Variants in EZR observed in about 807,000 individuals in gnomAD.
The protein encoded by EZR is ezrin, also known as cytovillin 2.
In EZR, 40 loss-of-function variants were observed where a neutral mutation model predicts 74.8. The observed-to-expected ratio is 0.53, with a 90% confidence interval of 0.42 to 0.70. The LOEUF (loss-of-function observed/expected upper bound fraction) is 0.70. Ranked by LOEUF, EZR falls within the 30% of genes least tolerant of loss-of-function variation. The pLI, the probability that EZR is intolerant of heterozygous loss-of-function variation, is 0.00. For missense variants in EZR, 678 were observed against 755.8 expected (o/e 0.90, Z 1.21); for synonymous variants, 341 against 283.3 (o/e 1.20, Z -2.05).
intron 2 of EZR, among the ~76,000 whole-genome samples, chr6:158,802,679 G>A: frequency 6.6e-6 from 1 of 152,106 alleles, no homozygotes; most frequent in East Asian, 1.9e-4. Flanking sequence ...TTATAGGCAT[G>A]TGCCACCACG....
At chr6:158,771,594 T>C (rs1378712013) in intron 8 of EZR, among the ~76,000 whole-genome samples, 187 bp from the exon 9 acceptor site, 1 of 152,136 alleles carries the variant, frequency 6.6e-6, no homozygotes, top group Non-Finnish European at 1.5e-5. Context: ...GCCGCGTGTG[T>C]GTGCGGTTAT....
chr6:158,778,227 C>T (rs1791335686), intron 7 of EZR, among the ~76,000 whole-genome samples: 1 of 152,208 alleles, frequency 6.6e-6, no homozygotes, highest in South Asian at 2.1e-4. Flanking sequence ...CGTGCCGCAT[C>T]CTGAAACTTC....
Position 158,812,242 on chromosome 6 carries a change from G to A in EZR, c.12+5840C>T, listed in dbSNP as rs200185035. Among the ~76,000 whole-genome samples, 58 of 152,284 alleles carry A rather than the reference G, an allele frequency of 3.8e-4. No individual in the cohort carries two copies. The East Asian group carries it at 9.6e-3, about 25-fold the overall frequency. ...TAACAGCACTCCTGGCATTTCAGCC[G>A]GACTGTAAGGCGGCTGGGCATCAAG... On this transcript the variant is annotated intron_variant, in intron 2 of 13. Transcript: ENST00000367075.
At chr6:158,777,348 C>T (rs3123106) in intron 7 of EZR, among the ~76,000 whole-genome samples, 25 of 152,188 alleles carry the variant, frequency 1.6e-4, no homozygotes, top group South Asian at 6.2e-4. Context: ...TCAAACTAAC[C>T]GCCCTAATGA....
At chr6:158,817,976 GAGA>G in intron 2 of EZR, 103 bp downstream of exon 2, 4 of 1,122,294 alleles carry the variant, frequency 3.6e-6, no homozygotes, top group Non-Finnish European at 5.0e-6. Flanking sequence ...TTCTGCGTGT[GAGA>G]AGAACCCTGT....
At chr6:158,814,115 TCCTGGGGACTGG>T (rs1455233444) in intron 2 of EZR, among the ~76,000 whole-genome samples, 2 of 152,112 alleles carry the variant, frequency 1.3e-5, no homozygotes, top group African/African-American at 4.8e-5. Flanking sequence ...GCACACCATG[TCCTGGGGACTGG>T]CCTGAACAGA....
intron 2 of EZR, among the ~76,000 whole-genome samples, chr6:158,816,363 CCATT>C (rs543425254): frequency 1.1e-4 from 16 of 152,288 alleles, no homozygotes; most frequent in Non-Finnish European, 1.8e-4. Flanking sequence ...AAATAAATTA[CCATT>C]CATTATGAGA....
intron 2 of EZR, among the ~76,000 whole-genome samples, chr6:158,807,799 C>G (rs1459793531): frequency 6.6e-6 from 1 of 152,146 alleles, no homozygotes; most frequent in East Asian, 1.9e-4. Context: ...TCAGGAGGGG[C>G]TGAGGAAGGC....
intron 2 of EZR, among the ~76,000 whole-genome samples, chr6:158,800,551 A>G (rs1777166558): frequency 6.6e-6 from 1 of 152,188 alleles, no homozygotes; most frequent in African/African-American, 2.4e-5. Context: ...CTATAATCCT[A>G]CCACTTTGGG....
intron 2 of EZR, 198 bp from the exon 3 acceptor site, chr6:158,789,569 C>T (rs751657922): frequency 6.8e-6 from 5 of 731,456 alleles, no homozygotes; most frequent in South Asian, 6.8e-5. Context: ...CAGTGCAAAC[C>T]AAACGCAGCT....
At chr6:158,782,653 G>T (rs1012221702) in intron 7 of EZR, among the ~76,000 whole-genome samples, 1 of 152,216 alleles carries the variant, frequency 6.6e-6, no homozygotes, top group Non-Finnish European at 1.5e-5. Flanking sequence ...GCCATCAGAT[G>T]ATTTGTTTCG....
At chr6:158,767,147 C>T in intron 13 of EZR, 69 bp from the exon 14 acceptor site, 1 of 1,594,986 alleles carries the variant, frequency 6.3e-7, no homozygotes. Context: ...CCTAGGAAAA[C>T]AGGAAGGGCA....
intron 2 of EZR, among the ~76,000 whole-genome samples, chr6:158,797,976 C>T (rs1358818303): frequency 1.3e-5 from 2 of 152,240 alleles, no homozygotes; most frequent in African/African-American, 4.8e-5. Context: ...CTGGCAGTCA[C>T]TCTGCATTCC....
chr6:158,816,681 CTT>C (rs55957836), intron 2 of EZR, among the ~76,000 whole-genome samples: 17,211 of 152,118 alleles, frequency 0.11, 999 homozygotes, highest in Middle Eastern at 0.15. Flanking sequence ...CTTGATGTAA[CTT>C]AGGCAAAAAT....
chr6:158,781,365 G>A (rs1050856762), intron 7 of EZR, among the ~76,000 whole-genome samples: 1 of 152,180 alleles, frequency 6.6e-6, no homozygotes, highest in Non-Finnish European at 1.5e-5. Context: ...TGCTCTGTGG[G>A]GAAAGAACCA....
At chr6:158,801,951 C>G (rs1225607010) in intron 2 of EZR, among the ~76,000 whole-genome samples, 1 of 152,174 alleles carries the variant, frequency 6.6e-6, no homozygotes, top group East Asian at 1.9e-4. Context: ...GCTGTTGTTC[C>G]CCATCAGGAA....
chr6:158,802,583 G>A (rs183340347), intron 2 of EZR, among the ~76,000 whole-genome samples: 12 of 152,300 alleles, frequency 7.9e-5, no homozygotes, highest in African/African-American at 2.9e-4. Flanking sequence ...CCAGGCTGGA[G>A]TGCAGTGGCG....
intron 7 of EZR, among the ~76,000 whole-genome samples, chr6:158,777,937 A>G (rs1442257839): frequency 1.3e-5 from 2 of 152,190 alleles, no homozygotes; most frequent in Non-Finnish European, 2.9e-5. Context: ...CCTGGCATTC[A>G]AACAGACATG....
At chr6:158,816,320 A>G (rs965727411) in intron 2 of EZR, among the ~76,000 whole-genome samples, 7 of 152,246 alleles carry the variant, frequency 4.6e-5, no homozygotes, top group African/African-American at 9.6e-5. Flanking sequence ...GATAAACTGT[A>G]TATTTTACCA....
Sources: gnomAD v4.1 joint callset for allele counts (sites outside exome capture counted in the v4.1 genomes callset) on GRCh38, gnomAD v4.1.1 for gene constraint, MANE v1.5 for transcripts, NCBI Gene and HGNC (gene_info 2026-07-23, HGNC 2026-07-21) for gene names.